FAM178B: variants seen among roughly 807,000 people sequenced by gnomAD.
The protein encoded by FAM178B is family with sequence similarity 178 member B.
FAM178B carries 82 observed loss-of-function variants against 91.7 expected under a neutral mutation model. The ratio of observed to expected loss-of-function variants is 0.89; its 90% CI spans 0.75 to 1.07. The LOEUF is 1.07. Among genes scored for constraint, FAM178B ranks in the 50% least tolerant of loss-of-function variants. FAM178B has a pLI of 0.00. For missense variants in FAM178B, 769 were observed against 846.7 expected (o/e 0.91, Z 1.14); for synonymous variants, 368 against 359.4 (o/e 1.02, Z -0.27).
At chr2:96,933,036 A>G (rs984288851) in intron 8 of FAM178B, among the ~76,000 whole-genome samples, 1 of 150,122 alleles carries the variant, frequency 6.7e-6, no homozygotes, top group African/African-American at 2.5e-5. Flanking sequence ...CAAGGTCAGG[A>G]GATCAAGACC....
rs531338509 is a variant in FAM178B, at chr2:96,979,179, G to A, written c.74-6573C>T. On this transcript the variant is annotated intron_variant, in intron 1 of 16. Coordinates refer to ENST00000490605, the MANE Select transcript of FAM178B (RefSeq NM_001122646.3). The stretch of plus-strand genomic sequence containing the variant: ...TTTAGTAGAGATGGGGTTTCACCAC[G>A]TTGGCCAGGATGGTCTCCATCTCCT... 6.7e-5 allele frequency among the ~76,000 whole-genome samples: 10 copies of A among 150,106 alleles called. No homozygotes were observed. The South Asian group carries it at 8.4e-4, about 13-fold the overall frequency.
At chr2:96,886,226 G>C (rs2080516808) in intron 14 of FAM178B, among the ~76,000 whole-genome samples, 1 of 152,220 alleles carries the variant, frequency 6.6e-6, no homozygotes, top group Non-Finnish European at 1.5e-5. Flanking sequence ...ACTGTTCCAT[G>C]GTGGTGACTC....
intron 12 of FAM178B, among the ~76,000 whole-genome samples, chr2:96,905,830 A>ATATATG (rs1553498328): frequency 4.4e-4 from 9 of 20,430 alleles, no homozygotes; most frequent in African/African-American, 1.4e-3. Flanking sequence ...ATATATATAT[A>ATATATG]TATATATATA....
intron 9 of FAM178B, among the ~76,000 whole-genome samples, chr2:96,926,936 G>A (rs570711311): frequency 2.6e-5 from 4 of 152,316 alleles, no homozygotes; most frequent in African/African-American, 7.2e-5. Flanking sequence ...AAGCCCCAGA[G>A]GTATCCGTTC....
intron 8 of FAM178B, among the ~76,000 whole-genome samples, chr2:96,933,793 C>T (rs2081581066): frequency 6.6e-6 from 1 of 152,170 alleles, no homozygotes; most frequent in African/African-American, 2.4e-5. Context: ...AGGGGAGGTC[C>T]CCATCAGCCT....
chr2:96,901,851 C>A (rs1289604107), intron 13 of FAM178B, among the ~76,000 whole-genome samples: 1 of 152,066 alleles, frequency 6.6e-6, no homozygotes, highest in Non-Finnish European at 1.5e-5. Context: ...GAATTTAATT[C>A]ATTTATTTGA....
chr2:96,892,211 A>C (rs2080699752), intron 14 of FAM178B, among the ~76,000 whole-genome samples: 1 of 152,074 alleles, frequency 6.6e-6, no homozygotes, highest in African/African-American at 2.4e-5. Context: ...AGCCCAGGGG[A>C]CAGAACCCAG....
At position 96,986,341 on chromosome 2, in the gene FAM178B, G is replaced by C. The variant is rs1006252475; in HGVS notation, c.-28C>G. ...GGCGGGAAGGGCAGGGCTCCGGGGT[G>C]AGGGAGGGTGGCGGGAATTCGCACG... On this transcript the variant is annotated 5_prime_UTR_variant, in exon 1 of 17. Coordinates refer to ENST00000490605, the MANE Select transcript of FAM178B (RefSeq NM_001122646.3). 1.3e-6 allele frequency: 2 copies of C among 1,529,106 alleles called. No individual in the cohort carries two copies. Among genetic ancestry groups the C allele is most frequent in the Non-Finnish European group, 1.7e-6 (2 of 1,145,086 alleles). 94.7% of individuals were successfully genotyped at this position (1,529,106 alleles called of 1,614,324 possible).
intron 4 of FAM178B, among the ~76,000 whole-genome samples, chr2:96,969,576 C>T (rs944377716): frequency 2.6e-5 from 4 of 152,230 alleles, no homozygotes; most frequent in Non-Finnish European, 4.4e-5. Context: ...CCAGGCACAC[C>T]GACAAGCAGT....
At chr2:96,977,783 TGTAAGAGCCCACTAA>T (rs1434407294) in intron 1 of FAM178B, 1 of 455,892 alleles carries the variant, frequency 2.2e-6, no homozygotes. Flanking sequence ...ATCCTAACAA[TGTAAGAGCCCACTAA>T]GTTTAGGACG....
intron 1 of FAM178B, among the ~76,000 whole-genome samples, chr2:96,985,540 A>T (rs1285479567): frequency 6.6e-6 from 1 of 152,208 alleles, no homozygotes; most frequent in Non-Finnish European, 1.5e-5. Flanking sequence ...CCTGACTACA[A>T]GAAAAATAAA....
chr2:96,923,403 C>T, intron 10 of FAM178B, 87 bp downstream of exon 10: 1 of 1,055,536 alleles, frequency 9.5e-7, no homozygotes, highest in Non-Finnish European at 1.4e-6. Context: ...GCCGGAGATT[C>T]TCCGTGATGC....
Position 96,960,445 on chromosome 2 carries a change from C to T in FAM178B, c.735-5G>A. On this transcript the variant is annotated splice_region_variant and splice_polypyrimidine_tract_variant and intron_variant, in intron 5 of 16. Coordinates refer to ENST00000490605, the MANE Select transcript of FAM178B (RefSeq NM_001122646.3). ...GAGTACTTTTCCACCAGCATCCTGG[C>T]AAGGCAAGGGGCAGGAGGGCCGGGC... is the stretch of plus-strand genomic sequence containing the variant. 2 of 1,536,912 alleles carry T rather than the reference C, an allele frequency of 1.3e-6. No homozygotes were observed. The highest frequency in any genetic ancestry group is 1.8e-6 in the Non-Finnish European group (2 of 1,137,756).
At chr2:96,955,248 C>T (rs1008541115) in intron 6 of FAM178B, among the ~76,000 whole-genome samples, 1 of 151,572 alleles carries the variant, frequency 6.6e-6, no homozygotes, top group Non-Finnish European at 1.5e-5. Context: ...CGGTGGCTCA[C>T]GCCTGTAATC....
chr2:96,888,534 A>G (rs1248603983), intron 14 of FAM178B, among the ~76,000 whole-genome samples: 1 of 152,256 alleles, frequency 6.6e-6, no homozygotes, highest in Non-Finnish European at 1.5e-5. Flanking sequence ...CACAGCTGCC[A>G]GAGGGCAGCG....
chr2:96,973,285 C>T (rs1025849888), intron 1 of FAM178B, among the ~76,000 whole-genome samples: 1 of 151,666 alleles, frequency 6.6e-6, no homozygotes, highest in Non-Finnish European at 1.5e-5. Flanking sequence ...ACGCCCCACC[C>T]ATCTTACTTA....
At chr2:96,973,249 C>T (rs937327551) in intron 1 of FAM178B, among the ~76,000 whole-genome samples, 9 of 151,600 alleles carry the variant, frequency 5.9e-5, no homozygotes, top group African/African-American at 2.2e-4. Flanking sequence ...CAGCACAGCT[C>T]AGCAGAAAAG....
chr2:96,929,642 C>T (rs955629297), intron 8 of FAM178B, among the ~76,000 whole-genome samples: 7 of 152,246 alleles, frequency 4.6e-5, no homozygotes, highest in Non-Finnish European at 7.3e-5. Flanking sequence ...CCAAGTGACA[C>T]GAAGAGTCCT....
intron 1 of FAM178B, among the ~76,000 whole-genome samples, chr2:96,981,467 C>T (rs371137574): frequency 6.6e-6 from 1 of 152,100 alleles, no homozygotes; most frequent in Non-Finnish European, 1.5e-5. Flanking sequence ...TTTTCTTCTG[C>T]AGTTGGTGCT....
Sources: allele counts gnomAD v4.1 joint callset (sites outside exome capture counted in the v4.1 genomes callset), GRCh38; gene constraint gnomAD v4.1.1; transcripts MANE v1.5; gene names NCBI Gene and HGNC (gene_info 2026-07-23, HGNC 2026-07-21).